Variants in SSRP1 observed in about 807,000 individuals in gnomAD.
The protein encoded by SSRP1 is structure specific recognition protein 1.
SSRP1 carries 21 observed loss-of-function variants against 84.4 expected under a neutral mutation model. The ratio of observed to expected loss-of-function variants is 0.25; its 90% CI spans 0.18 to 0.36. The LOEUF is 0.36. Among genes scored for constraint, SSRP1 ranks in the 10% least tolerant of loss-of-function variants. The pLI is 1.00. For synonymous variants in SSRP1, 319 were observed against 318.3 expected (o/e 1.00, Z -0.02); for missense variants, 519 against 900.8 (o/e 0.58, Z 5.43).
chr11:57,326,492 G>A lies in SSRP1; in HGVS notation c.2059-14C>T, dbSNP rs746888659. 4 of 1,613,966 alleles carry A rather than the reference G, an allele frequency of 2.5e-6. No homozygotes were observed. The highest frequency in any genetic ancestry group is 3.4e-6 in the Non-Finnish European group (4 of 1,179,972). On this transcript the variant is annotated splice_polypyrimidine_tract_variant and intron_variant, in intron 16 of 16. Transcript: ENST00000278412. The stretch of plus-strand genomic sequence containing the variant: ...TTCTTCAGAGTCCTGAAAACCAAAG[G>A]TGTCTTAAGGGAAAAGCTGGAGTCC...
Position 57,326,805 on chromosome 11 carries a change from GGAC to G in SSRP1, c.1953_1955del (p.Ser653del), listed in dbSNP as rs1855993304. On this transcript the variant is annotated inframe_deletion, in exon 16 of 17. Transcript: ENST00000278412. ...TGAAGCTCTCGCTTAGCTGCCTTGA[GGAC>G]GACTTGGATGATGAGCCCCTAGAGG... 1.9e-6 allele frequency: 3 copies of G among 1,614,234 alleles called. No homozygotes were observed. The highest frequency in any genetic ancestry group is 2.5e-6 in the Non-Finnish European group (3 of 1,180,034).
At position 57,332,116 on chromosome 11, in the gene SSRP1, C is replaced by T. The variant is rs371276004; in HGVS notation, c.1001+36G>A. On this transcript the variant is annotated intron_variant, in intron 8 of 16. Transcript: ENST00000278412. The surrounding 1 kb of genome is among the most constrained non-coding windows in gnomAD (Gnocchi z 5.5). ...CCAAGGAGACACGGCATTTCCCATA[C>T]CCAGGCAGGGCAGGATCCCAGGCCC... The T allele has an allele frequency of 3.1e-5, 50 of 1,612,094 alleles. No homozygotes were observed. Among genetic ancestry groups the T allele is most frequent in the Non-Finnish European group, 3.9e-5 (46 of 1,179,756 alleles).
intron 9 of SSRP1, among the ~76,000 whole-genome samples, chr11:57,331,397 G>A (rs1288035079): frequency 1.3e-5 from 2 of 151,976 alleles, no homozygotes; most frequent in African/African-American, 2.4e-5. Flanking sequence ...GGGAGTGGAG[G>A]AGAAAAAAGA....
chr11:57,326,942 G>T, intron 15 of SSRP1, 53 bp from the exon 16 acceptor site: 1 of 1,494,356 alleles, frequency 6.7e-7, no homozygotes, highest in South Asian at 1.3e-5. Context: ...CTGTCACCAT[G>T]ACCAAACCTC....
Position 57,335,207 on chromosome 11 carries a change from G to T in SSRP1, c.-86C>A. ...AACTGGGAGCTGGGCCCCAACTCCT[G>T]AGTGGGTGTGCGGATGCTCAGCAGG... On this transcript the variant is annotated 5_prime_UTR_variant, in exon 2 of 17. Coordinates refer to ENST00000278412, the MANE Select transcript of SSRP1 (RefSeq NM_003146.3). The surrounding 1 kb of genome is among the most constrained non-coding windows in gnomAD (Gnocchi z 4.6). 1 of 1,388,764 alleles carries T rather than the reference G, an allele frequency of 7.2e-7. No individual in the cohort carries two copies. The highest frequency in any genetic ancestry group is 1.0e-6 in the Non-Finnish European group (1 of 977,254). 86.0% of individuals were successfully genotyped at this position (1,388,764 alleles called of 1,614,324 possible).
Position 57,326,817 on chromosome 11 carries a change from T to A in SSRP1, c.1944A>T (p.Ser648=). The change falls in exon 16 of 17, where the codon TCA becomes TCT. Residue 648 remains serine, a synonymous_variant. Transcript: ENST00000278412. The part of the protein sequence containing the change: ...EKKSTPSRGS[S]SKSSSRQLSE... ...TTAGCTGCCTTGAGGACGACTTGGA[T>A]GATGAGCCCCTAGAGGGCGTGGATT... 1 of 1,614,218 alleles carries A rather than the reference T, an allele frequency of 6.2e-7. No homozygotes were observed. The highest frequency in any genetic ancestry group is 1.1e-5 in the South Asian group (1 of 91,086).
At chr11:57,333,340 G>A in intron 4 of SSRP1, 95 bp downstream of exon 4, 1 of 1,222,928 alleles carries the variant, frequency 8.2e-7, no homozygotes, top group Non-Finnish European at 1.2e-6. Context: ...TAGGAAACCA[G>A]AGACAGTGGC....
Position 57,330,584 on chromosome 11 carries a change from T to C in SSRP1, c.1297-155A>G, listed in dbSNP as rs1856069039. 4 of 1,430,776 alleles carry C rather than the reference T, an allele frequency of 2.8e-6. No homozygotes were observed. The highest frequency in any genetic ancestry group is 3.7e-6 in the Non-Finnish European group (4 of 1,087,324). The allele number at this position is 1,430,776 out of a possible 1,614,324, so 88.6% of individuals were successfully genotyped here. On this transcript the variant is annotated intron_variant, in intron 10 of 16. Coordinates refer to ENST00000278412, the MANE Select transcript of SSRP1 (RefSeq NM_003146.3). This position sits in a 1 kb window ranked among gnomAD's most constrained non-coding sequence, Gnocchi z 4.0. ...ACACACAGCCAACGTGCAGGGCCTA[T>C]GCCCAAGTACTTCCTGCCAACTGGG...
At chr11:57,331,251 G>C (rs1207419742) in intron 9 of SSRP1, among the ~76,000 whole-genome samples, 2 of 152,128 alleles carry the variant, frequency 1.3e-5, no homozygotes, top group African/African-American at 4.8e-5. Context: ...ACTTCACAAG[G>C]TTGATATGAG....
chr11:57,328,054 T>C (rs189712683), intron 13 of SSRP1, 172 bp from the exon 14 acceptor site: 2 of 955,188 alleles, frequency 2.1e-6, no homozygotes, highest in East Asian at 5.3e-5. Context: ...TGCAATTCAG[T>C]GCCTAGCTTA....
Position 57,333,665 on chromosome 11 carries a change from T to A in SSRP1, c.241-125A>T. On this transcript the variant is annotated intron_variant, in intron 3 of 16. Coordinates refer to ENST00000278412, the MANE Select transcript of SSRP1 (RefSeq NM_003146.3). Reference sequence around the variant, plus strand: ...AATAGGCTTTATAAGAAATCCATGCTGACTTAGCAACCCAGCTCATGGTAA... The same window carrying A: ...AATAGGCTTTATAAGAAATCCATGCAGACTTAGCAACCCAGCTCATGGTAA... The A allele has an allele frequency of 8.8e-6, 6 of 681,514 alleles. No homozygotes were observed. The South Asian group carries it at 1.1e-4, about 12-fold the overall frequency. The allele number at this position is 681,514 out of a possible 1,614,324, so 42.2% of individuals were successfully genotyped here.
intron 9 of SSRP1, among the ~76,000 whole-genome samples, chr11:57,331,267 C>T (rs1315950690): frequency 4.6e-5 from 7 of 152,084 alleles, no homozygotes; most frequent in African/African-American, 1.7e-4. Context: ...ATGAGGATTA[C>T]ACGTGAAGAT....
At chr11:57,327,604 C>T (rs1856011317) in intron 14 of SSRP1, 90 bp from the exon 15 acceptor site, 2 of 1,602,344 alleles carry the variant, frequency 1.2e-6, no homozygotes, top group African/African-American at 1.3e-5. Context: ...ACAGAAAGTC[C>T]CACCAATGGC....
rs1295074167 is a variant in SSRP1 at position 57,326,327 on chromosome 11, G to A, written c.*80C>T. The A allele has an allele frequency of 2.2e-6, 3 of 1,351,658 alleles. No individual in the cohort carries two copies. Among genetic ancestry groups the A allele is most frequent in the Non-Finnish European group, 3.2e-6 (3 of 947,538 alleles). 83.7% of individuals were successfully genotyped at this position (1,351,658 alleles called of 1,614,324 possible). ...ACAGAATCCAGGGACTGCATTTCAT[G>A]AGGAGAAACTGGTACCAAAATATGG... is the stretch of plus-strand genomic sequence containing the variant. On this transcript the variant is annotated 3_prime_UTR_variant, in exon 17 of 17. Transcript: ENST00000278412.
At position 57,331,909 on chromosome 11, in the gene SSRP1, G is replaced by C; in HGVS notation, c.1002-20C>G. ...GAGTGCCTGACAGAGGGTGCAGGGAGCCTGGTTAGTGCCAACCTCAGCAGA... is the reference window on the plus strand; with the variant it reads ...GAGTGCCTGACAGAGGGTGCAGGGACCCTGGTTAGTGCCAACCTCAGCAGA... On this transcript the variant is annotated intron_variant, in intron 8 of 16. Coordinates refer to ENST00000278412, the MANE Select transcript of SSRP1 (RefSeq NM_003146.3). 1 of 1,600,870 alleles carries C rather than the reference G, an allele frequency of 6.2e-7. No individual in the cohort carries two copies. The highest frequency in any genetic ancestry group is 8.5e-7 in the Non-Finnish European group (1 of 1,173,116).
chr11:57,330,034 C>T lies in SSRP1; in HGVS notation c.1481+59G>A. 6.2e-7 allele frequency: 1 copy of T among 1,602,896 alleles called. No individual in the cohort carries two copies. The highest frequency in any genetic ancestry group is 8.5e-7 in the Non-Finnish European group (1 of 1,169,880). On this transcript the variant is annotated intron_variant, in intron 12 of 16. Coordinates refer to ENST00000278412, the MANE Select transcript of SSRP1 (RefSeq NM_003146.3). The surrounding 1 kb of genome is among the most constrained non-coding windows in gnomAD (Gnocchi z 4.0). ...GACCTGAGAAATGTCCAGAAATCTT[C>T]TGGTCCCTTAAGCTTATGGGTCACC...
Position 57,330,869 on chromosome 11 carries a change from G to C in SSRP1, c.1282C>G (p.Arg428Gly). 1 of 1,614,186 alleles carries C rather than the reference G, an allele frequency of 6.2e-7. No individual in the cohort carries two copies. Among genetic ancestry groups the C allele is most frequent in the Non-Finnish European group, 8.5e-7 (1 of 1,180,026 alleles). Residue 428 changes from arginine (R) to glycine (G), a missense_variant, in exon 10 of 17, where the codon CGA becomes GGA. Around this residue, in one of 7 missense-constraint regions of SSRP1, gnomAD observed 34 missense variants for 34.3 expected, o/e 0.99. Coordinates refer to ENST00000278412, the MANE Select transcript of SSRP1 (RefSeq NM_003146.3). The surrounding 1 kb of genome is among the most constrained non-coding windows in gnomAD (Gnocchi z 4.0). ...VNAKKLNIKN[R>G]GLKEGMNPSY... ...CACAGAAGTACCTCTTTCAATCCTC[G>C]GTTTTTGATGTTGAGCTTTTTCGCG... is the stretch of plus-strand genomic sequence containing the variant.
In SSRP1 at chr11:57,331,930, G is replaced by A. The variant is rs769891318; in HGVS notation, c.1002-41C>T. 1.0e-5 allele frequency: 16 copies of A among 1,575,424 alleles called. No homozygotes were observed. The South Asian group carries it at 1.8e-4, about 18-fold the overall frequency. On this transcript the variant is annotated intron_variant, in intron 8 of 16. Coordinates refer to ENST00000278412, the MANE Select transcript of SSRP1 (RefSeq NM_003146.3). ...GGGAGCCTGGTTAGTGCCAACCTCA[G>A]CAGAGGCAAAGGGCGTATCTAGCAG...
rs778811862 is a variant in SSRP1, at chr11:57,332,938, G to C, written c.537+21C>G. The C allele has an allele frequency of 1.9e-6, 3 of 1,600,442 alleles. No individual in the cohort carries two copies. The highest frequency in any genetic ancestry group is 1.7e-5 in the Admixed American group (1 of 59,564). On this transcript the variant is annotated intron_variant, in intron 5 of 16. Transcript: ENST00000278412. This position sits in a 1 kb window ranked among gnomAD's most constrained non-coding sequence, Gnocchi z 5.5. Reference sequence around the variant, plus strand: ...CCTGCTCAGCACCATCTGCTGCCAAGGCAACCAGGGGAAGCCTCACCTCAA... The same window carrying C: ...CCTGCTCAGCACCATCTGCTGCCAACGCAACCAGGGGAAGCCTCACCTCAA...
Sources: allele counts gnomAD v4.1 joint callset (sites outside exome capture counted in the v4.1 genomes callset), GRCh38; gene constraint gnomAD v4.1.1; regional missense constraint gnomAD v4.1.1; non-coding constraint Gnocchi (gnomAD v3.1); transcripts MANE v1.5; gene names NCBI Gene and HGNC (gene_info 2026-07-23, HGNC 2026-07-21).